The following FRG2C variants were observed in gnomAD, a reference collection of about 807,000 sequenced individuals.
The protein encoded by FRG2C is FSHD region gene 2 family member C.
Under a neutral mutation model 14.1 loss-of-function variants are expected in FRG2C, and 8 were observed. The ratio of observed to expected loss-of-function variants is 0.57; its 90% confidence interval spans 0.33 to 1.02. The LOEUF (loss-of-function observed/expected upper bound fraction) is 1.02, where lower values mean the gene tolerates loss of function less well. Ranked by LOEUF, FRG2C falls within the 50% of genes least tolerant of loss-of-function variation. The probability of loss-of-function intolerance (pLI) is 0.03; values close to 1 mark genes in which losing one functional copy is unlikely to be tolerated. For synonymous variants in FRG2C, 92 were observed against 127.4 expected, an observed-to-expected ratio of 0.72 and a Z score of 1.87; for missense variants, 214 against 334.2, an observed-to-expected ratio of 0.64 and a Z score of 2.80.
At chr3:75,664,707 A>C (rs12106841) in intron 1 of FRG2C, 112 bp from the exon 2 acceptor site, 2 of 1,548,016 alleles carry the variant, frequency 1.3e-6, no homozygotes, top group Admixed American at 3.6e-5. Flanking sequence ...GTGTTCACTC[A>C]TGACACTGGC....
In FRG2C at chr3:75,667,049, T is replaced by G. The variant is rs1575741851; in HGVS notation, c.*1008T>G. On this transcript the variant is annotated 3_prime_UTR_variant, in exon 4 of 4. Coordinates refer to ENST00000308062, the MANE Select transcript of FRG2C (RefSeq NM_001124759.5). ...TGTTATATTTGACGTATATTCTACT[T>G]GTATTTTGTACTGAGATCATACAAT... 6.6e-6 allele frequency: 1 copy of G among 152,332 alleles called. No homozygotes were observed. Among genetic ancestry groups the G allele is most frequent in the African/African-American group, 2.4e-5 (1 of 41,488 alleles). 9.4% of individuals were successfully genotyped at this position (152,332 alleles called of 1,614,324 possible).
At chr3:75,664,680 A>T (rs1468058587) in intron 1 of FRG2C, 123 bp downstream of exon 1, 2 of 1,607,234 alleles carry the variant, frequency 1.2e-6, no homozygotes, top group African/African-American at 2.7e-5. Flanking sequence ...TAGTGCCCTT[A>T]GGGGACTTTG....
At chr3:75,664,797 C>T (rs6781177) in intron 1 of FRG2C, 22 bp from the exon 2 acceptor site, 278,963 of 1,613,140 alleles carry the variant, frequency 0.17, 24,523 homozygotes, top group African/African-American at 0.18. Context: ...GAGAGGTGAG[C>T]CATCTAAACC....
At position 75,666,297 on chromosome 3, in the gene FRG2C, G is replaced by A. The variant is rs1431323845; in HGVS notation, c.*256G>A. The stretch of plus-strand genomic sequence containing the variant: ...ACCTTTTGGATGTCTGATGACAGTC[G>A]TGCATTTCTATATAATCAGAAAAAT... On this transcript the variant is annotated 3_prime_UTR_variant, in exon 4 of 4. Coordinates refer to ENST00000308062, the MANE Select transcript of FRG2C (RefSeq NM_001124759.5). 61 of 696,068 alleles carry A rather than the reference G, an allele frequency of 8.8e-5. No homozygotes were observed. Among genetic ancestry groups the A allele is most frequent in the African/African-American group, 8.9e-5 (5 of 55,940 alleles). The allele number at this position is 696,068 out of a possible 1,614,324, so 43.1% of individuals were successfully genotyped here.
At chr3:75,664,622 G>A (rs1479294810) in intron 1 of FRG2C, 65 bp downstream of exon 1, 73 of 1,613,946 alleles carry the variant, frequency 4.5e-5, no homozygotes, top group Non-Finnish European at 6.0e-5. Context: ...ACTGAGCTAT[G>A]TGTCTTTAGC....
Position 75,664,569 on chromosome 3 carries a change from G to A in FRG2C, c.178+12G>A. 6 of 1,600,356 alleles carry A rather than the reference G, an allele frequency of 3.7e-6. No individual in the cohort carries two copies. Among genetic ancestry groups the A allele is most frequent in the Non-Finnish European group, 5.1e-6 (6 of 1,173,042 alleles). On this transcript the variant is annotated intron_variant, in intron 1 of 3. Coordinates refer to ENST00000308062, the MANE Select transcript of FRG2C (RefSeq NM_001124759.5). ...CACACAAAGGCAAGGTAAGGCCTTG[G>A]GCTGCTCCTATGGAGGCTGGAAGGA...
chr3:75,666,347 A>C lies in FRG2C; in HGVS notation c.*306A>C. 1.9e-6 allele frequency: 1 copy of C among 538,784 alleles called. No homozygotes were observed. Among genetic ancestry groups the C allele is most frequent in the Non-Finnish European group, 3.2e-6 (1 of 310,884 alleles). 33.4% of individuals were successfully genotyped at this position (538,784 alleles called of 1,614,324 possible). On this transcript the variant is annotated 3_prime_UTR_variant, in exon 4 of 4. Coordinates refer to ENST00000308062, the MANE Select transcript of FRG2C (RefSeq NM_001124759.5). ...TATTAGGTTGCAATCGTGAATTTTC[A>C]TATTTTAGATTGTAGAAAAGTAAAT...
rs1937073490 is a variant in FRG2C at position 75,665,688 on chromosome 3, G to C, written c.496G>C (p.Glu166Gln). The C allele has an allele frequency of 6.2e-7, 1 of 1,614,082 alleles. No individual in the cohort carries two copies. Among genetic ancestry groups the C allele is most frequent in the African/African-American group, 1.3e-5 (1 of 75,082 alleles). ...CAAGCGGCATAGGTCTCGGGCCCTA[G>C]AAGTCCAAACACCGTCACTTCGAAA... ...RSKRHRSRAL[E>Q]VQTPSLRKSL... Residue 166 changes from glutamate (E) to glutamine (Q), a missense_variant, in exon 4 of 4, where the codon GAA (glutamate) becomes CAA (glutamine). Physicochemically the swap from Glu to Gln is conservative, Grantham distance 29. Coordinates refer to ENST00000308062, the MANE Select transcript of FRG2C (RefSeq NM_001124759.5).
chr3:75,664,872 G>C lies in FRG2C; in HGVS notation c.232G>C (p.Ala78Pro). 1 of 1,614,298 alleles carries C rather than the reference G, an allele frequency of 6.2e-7. No individual in the cohort carries two copies. The highest frequency in any genetic ancestry group is 8.5e-7 in the Non-Finnish European group (1 of 1,180,054). ...GAATTCTGAGGAAACCAAGCTCAAGGCCGGGAACAGCACTGCTGGATCAGG... is the reference window on the plus strand; with the variant it reads ...GAATTCTGAGGAAACCAAGCTCAAGCCCGGGAACAGCACTGCTGGATCAGG... ...KENSEETKLK[A>P]GNSTAGSEPE... Residue 78 changes from alanine (A) to proline (P), a missense_variant, in exon 2 of 4, where the codon GCC becomes CCC. Coordinates refer to ENST00000308062, the MANE Select transcript of FRG2C (RefSeq NM_001124759.5).
chr3:75,665,382 G>A, intron 3 of FRG2C, 145 bp from the exon 4 acceptor site: 2 of 1,441,478 alleles, frequency 1.4e-6, no homozygotes, highest in Non-Finnish European at 9.5e-7. Context: ...ACTCACAAGT[G>A]GTTCAGCCTC....
In FRG2C at chr3:75,665,652, A is replaced by G. The variant is rs1937071282; in HGVS notation, c.460A>G (p.Thr154Ala). ...AHHRGSSRACTGRSKRHRSRA... is the reference protein window; with the variant it reads ...AHHRGSSRACAGRSKRHRSRA... ...CCATAGGGGAAGTTCCAGGGCTTGC[A>G]CTGGGCGCAGCAAGCGGCATAGGTC... The change falls in exon 4 of 4, where the codon ACT (threonine) becomes GCT (alanine). Residue 154 changes from threonine to alanine, a missense_variant. Around this residue, in one of 3 missense-constraint regions of FRG2C, gnomAD observed 136 missense variants for 148.1 expected, o/e 0.92. Transcript: ENST00000308062. The G allele has an allele frequency of 6.2e-7, 1 of 1,614,072 alleles. No homozygotes were observed. The highest frequency in any genetic ancestry group is 8.5e-7 in the Non-Finnish European group (1 of 1,179,870).
intron 3 of FRG2C, among the ~76,000 whole-genome samples, 161 bp from the exon 4 acceptor site, chr3:75,665,366 T>C (rs73840326): frequency 2.0e-5 from 3 of 152,290 alleles, no homozygotes; most frequent in Admixed American, 6.5e-5. Context: ...CTGAGAATAT[T>C]TGGGGACTCA....
intron 1 of FRG2C, 71 bp from the exon 2 acceptor site, chr3:75,664,748 A>G: frequency 6.2e-7 from 1 of 1,612,148 alleles, no homozygotes; most frequent in East Asian, 2.2e-5. Flanking sequence ...ACTGATTCTC[A>G]AAAATGCATG....
Position 75,665,552 on chromosome 3 carries a change from C to A in FRG2C, c.360C>A (p.Asn120Lys), listed in dbSNP as rs1937067219. 6.2e-7 allele frequency: 1 copy of A among 1,613,934 alleles called. No homozygotes were observed. Among genetic ancestry groups the A allele is most frequent in the East Asian group, 2.2e-5 (1 of 44,890 alleles). Residue 120 changes from asparagine to lysine, a missense_variant, in exon 4 of 4, where the codon AAC becomes AAA. Physicochemically the swap from Asn to Lys is moderately conservative, Grantham distance 94. Coordinates refer to ENST00000308062, the MANE Select transcript of FRG2C (RefSeq NM_001124759.5). ...RAGNCPEEECNLTLNKKSRSS... is the reference protein window; with the variant it reads ...RAGNCPEEECKLTLNKKSRSS... ...GGAACTGTCCAGAAGAGGAGTGCAACTTGACGTTGAATAAAAAATCAAGAT... is the reference window on the plus strand; with the variant it reads ...GGAACTGTCCAGAAGAGGAGTGCAAATTGACGTTGAATAAAAAATCAAGAT...
chr3:75,665,322 T>G, intron 3 of FRG2C, 119 bp downstream of exon 3: 1 of 1,436,930 alleles, frequency 7.0e-7, no homozygotes. Context: ...AGGGAATTAC[T>G]TATTGACAAG....
Position 75,665,465 on chromosome 3 carries a change from G to T in FRG2C, c.335-62G>T, listed in dbSNP as rs1387435471. 5.7e-6 allele frequency: 9 copies of T among 1,568,494 alleles called. No individual in the cohort carries two copies. The East Asian group carries it at 1.3e-4, about 23-fold the overall frequency. On this transcript the variant is annotated intron_variant, in intron 3 of 3. Coordinates refer to ENST00000308062, the MANE Select transcript of FRG2C (RefSeq NM_001124759.5). ...TGGGGTTCACCTGGGTGCACAGGGG[G>T]TTCTGGAAATGAGGGTCTGTGGGGA...
chr3:75,664,875 G>A lies in FRG2C; in HGVS notation c.235G>A (p.Gly79Arg), dbSNP rs1250306172. The change falls in exon 2 of 4, where the codon GGG (glycine) becomes AGG (arginine). Residue 79 changes from glycine to arginine, a missense_variant. Transcript: ENST00000308062. The stretch of plus-strand genomic sequence containing the variant: ...TTCTGAGGAAACCAAGCTCAAGGCC[G>A]GGAACAGCACTGCTGGATCAGGTAA... Reference protein sequence around the residue: ...ENSEETKLKAGNSTAGSEPES... With the variant: ...ENSEETKLKARNSTAGSEPES... The A allele has an allele frequency of 5.6e-5, 91 of 1,614,144 alleles. No homozygotes were observed. Among genetic ancestry groups the A allele is most frequent in the Admixed American group, 6.7e-5 (4 of 60,010 alleles).
Position 75,666,109 on chromosome 3 carries a change from A to G in FRG2C, c.*68A>G, listed in dbSNP as rs1937095256. On this transcript the variant is annotated 3_prime_UTR_variant, in exon 4 of 4. Transcript: ENST00000308062. ...CCTGCTTCTTCTCAGATTCTTCCAG[A>G]CGACCAGCAGTGACAATTTTAGATG... 1.9e-6 allele frequency: 3 copies of G among 1,607,308 alleles called. No homozygotes were observed. The highest frequency in any genetic ancestry group is 1.1e-5 in the South Asian group (1 of 89,910).
rs1380816245 is a variant in FRG2C at position 75,664,354 on chromosome 3, A to G, written c.-26A>G. The G allele has an allele frequency of 2.9e-5, 47 of 1,612,008 alleles. No homozygotes were observed. Among genetic ancestry groups the G allele is most frequent in the Non-Finnish European group, 3.7e-5 (44 of 1,179,890 alleles). On this transcript the variant is annotated 5_prime_UTR_variant, in exon 1 of 4. Transcript: ENST00000308062. ...CACTCTGCCTTTGGACATGTGAGAGAGCGCACCTTTCACTTGAGCTTCAAC... is the reference window on the plus strand; with the variant it reads ...CACTCTGCCTTTGGACATGTGAGAGGGCGCACCTTTCACTTGAGCTTCAAC...
Sources: allele counts gnomAD v4.1 joint callset (sites outside exome capture counted in the v4.1 genomes callset), GRCh38; gene constraint gnomAD v4.1.1; regional missense constraint gnomAD v4.1.1; transcripts MANE v1.5; gene names NCBI Gene and HGNC (gene_info 2026-07-23, HGNC 2026-07-21).